The following CHRNA7 variants were observed in gnomAD, a reference collection of about 807,000 sequenced individuals.
CHRNA7 encodes cholinergic receptor nicotinic alpha 7 subunit.
CHRNA7 carries 17 observed loss-of-function variants against 48.0 expected under a neutral mutation model. The observed-to-expected ratio is 0.35, with a 90% confidence interval of 0.24 to 0.53. CHRNA7 has a LOEUF of 0.53. Ranked by LOEUF, CHRNA7 falls within the 20% of genes least tolerant of loss-of-function variation. The probability of loss-of-function intolerance (pLI) is 0.92; values close to 1 mark genes in which losing one functional copy is unlikely to be tolerated. For synonymous variants in CHRNA7, 75 were observed against 242.3 expected (o/e 0.31, Z 6.41); for missense variants, 155 against 577.7 (o/e 0.27, Z 7.50).
In CHRNA7 at chr15:32,111,804, CTATT is replaced by C. The variant is rs1246945142; in HGVS notation, c.258_261del (p.Leu87SerfsTer10). On this transcript the variant is annotated frameshift_variant, in exon 4 of 10. Coordinates refer to ENST00000306901, the MANE Select transcript of CHRNA7 (RefSeq NM_000746.6). LOFTEE classifies it high-confidence loss of function. The stretch of plus-strand genomic sequence containing the variant: ...GTGTGTGTCAGTCTTGGACAGATCA[CTATT>C]TACAGTGGAATGTGTCAGAATATCC... 6 of 1,611,374 alleles carry C rather than the reference CTATT, an allele frequency of 3.7e-6. No individual in the cohort carries two copies. The highest frequency in any genetic ancestry group is 2.2e-5 in the East Asian group (1 of 44,872).
intron 2 of CHRNA7, among the ~76,000 whole-genome samples, chr15:32,076,205 C>G (rs1190855243): frequency 6.6e-6 from 1 of 152,090 alleles, no homozygotes; most frequent in East Asian, 1.9e-4. Context: ...TTAAGTTTGT[C>G]TGTATCCTTG....
intron 3 of CHRNA7, among the ~76,000 whole-genome samples, chr15:32,104,090 A>G (rs958421567): frequency 7.9e-5 from 12 of 152,198 alleles, no homozygotes; most frequent in African/African-American, 2.9e-4. Flanking sequence ...CCTTCTTGGC[A>G]CAGATCCCTC....
chr15:32,148,334 A>G (rs1376137333), intron 4 of CHRNA7, among the ~76,000 whole-genome samples: 6 of 152,056 alleles, frequency 3.9e-5, no homozygotes, highest in East Asian at 1.9e-4. Flanking sequence ...TCTCAAGGTT[A>G]TAAGAGCCGG....
chr15:32,046,829 C>T (rs572093569), intron 2 of CHRNA7, among the ~76,000 whole-genome samples: 9 of 152,006 alleles, frequency 5.9e-5, no homozygotes, highest in African/African-American at 1.7e-4. Context: ...TTTAATCCAT[C>T]TTGAATTAAT....
At chr15:32,159,359 C>T in intron 7 of CHRNA7, 1 of 441,684 alleles carries the variant, frequency 2.3e-6, no homozygotes, top group Admixed American at 3.5e-5. Context: ...AAACTTGTCT[C>T]CATAAGAGAC....
chr15:32,149,296 G>T lies in CHRNA7; in HGVS notation c.351-4611G>T, dbSNP rs574303708. ...CCTACCCCTGTTTCCACGGTTATGG[G>T]TGTTTGCCAGCACAGGGCTGCCCAG... On this transcript the variant is annotated intron_variant, in intron 4 of 9. Coordinates refer to ENST00000306901, the MANE Select transcript of CHRNA7 (RefSeq NM_000746.6). This position sits in a 1 kb window ranked among gnomAD's most constrained non-coding sequence, Gnocchi z 4.6. 6.6e-6 allele frequency among the ~76,000 whole-genome samples: 1 copy of T among 152,232 alleles called. No homozygotes were observed. The highest frequency in any genetic ancestry group is 1.5e-5 in the Non-Finnish European group (1 of 68,048).
chr15:32,095,886 A>G (rs1327413040), intron 2 of CHRNA7, among the ~76,000 whole-genome samples: 2 of 152,222 alleles, frequency 1.3e-5, no homozygotes, highest in African/African-American at 4.8e-5. Context: ...TCAAAACACA[A>G]GTGTTGAAAA....
At chr15:32,039,252 A>G (rs1422513858) in intron 2 of CHRNA7, among the ~76,000 whole-genome samples, 1 of 151,948 alleles carries the variant, frequency 6.6e-6, no homozygotes, top group African/African-American at 2.4e-5. Context: ...TCCTGTTTAC[A>G]ATTTTGTTGA....
chr15:32,079,470 C>T (rs1016734840), intron 2 of CHRNA7, among the ~76,000 whole-genome samples: 2 of 152,160 alleles, frequency 1.3e-5, no homozygotes, highest in Non-Finnish European at 2.9e-5. Flanking sequence ...GACAGGAAAT[C>T]AATATGCAAG....
chr15:32,165,872 A>G (rs1347759285), intron 9 of CHRNA7: 2 of 151,808 alleles, frequency 1.3e-5, no homozygotes, highest in East Asian at 3.9e-4. Flanking sequence ...GGAATTCAAA[A>G]TGGACTTGGC....
intron 3 of CHRNA7, among the ~76,000 whole-genome samples, chr15:32,108,331 A>T (rs1232693374): frequency 6.6e-6 from 1 of 152,162 alleles, no homozygotes. Context: ...GGAGGGAGAG[A>T]AGGAAGAGCA....
chr15:32,050,014 C>A (rs931925995), intron 2 of CHRNA7, among the ~76,000 whole-genome samples: 2 of 152,200 alleles, frequency 1.3e-5, no homozygotes, highest in Non-Finnish European at 2.9e-5. Flanking sequence ...CCGAGAGATC[C>A]GCTGTTAGTC....
Position 32,149,046 on chromosome 15 carries a change from A to G in CHRNA7, c.351-4861A>G, listed in dbSNP as rs1282819040. On this transcript the variant is annotated intron_variant, in intron 4 of 9. Transcript: ENST00000306901. The surrounding 1 kb of genome is among the most constrained non-coding windows in gnomAD (Gnocchi z 4.6). ...TAGGGCTCAGAGCTCTCCTCACACC[A>G]AGAGTGGGCCCCAGTCATTGCTGGC... Among the ~76,000 whole-genome samples, 1 of 152,142 alleles carries G rather than the reference A, an allele frequency of 6.6e-6. No individual in the cohort carries two copies. The highest frequency in any genetic ancestry group is 1.5e-5 in the Non-Finnish European group (1 of 68,012).
intron 2 of CHRNA7, among the ~76,000 whole-genome samples, chr15:32,090,499 C>A (rs2050365789): frequency 6.6e-6 from 1 of 152,194 alleles, no homozygotes; most frequent in African/African-American, 2.4e-5. Flanking sequence ...ACCATTTAAG[C>A]ATTACCACAA....
chr15:32,146,923 T>G, intron 4 of CHRNA7, among the ~76,000 whole-genome samples: 1 of 152,076 alleles, frequency 6.6e-6, no homozygotes, highest in Middle Eastern at 3.2e-3. Context: ...AAGAACCAAG[T>G]TGGGGGACTT....
chr15:32,075,819 A>G (rs894948573), intron 2 of CHRNA7, among the ~76,000 whole-genome samples: 76 of 150,844 alleles, frequency 5.0e-4, no homozygotes, highest in African/African-American at 1.7e-3. Flanking sequence ...CTTTTTTCTC[A>G]TATATGCATT....
At chr15:32,062,527 G>A (rs1441489325) in intron 2 of CHRNA7, among the ~76,000 whole-genome samples, 1 of 152,108 alleles carries the variant, frequency 6.6e-6, no homozygotes, top group Non-Finnish European at 1.5e-5. Flanking sequence ...GTGGATCTGT[G>A]TCTTCCATGT....
chr15:32,116,926 C>T (rs1021698658), intron 4 of CHRNA7, among the ~76,000 whole-genome samples: 1 of 152,072 alleles, frequency 6.6e-6, no homozygotes, highest in Non-Finnish European at 1.5e-5. Flanking sequence ...TTTTCCTGAC[C>T]CTGTGGCTGA....
intron 2 of CHRNA7, among the ~76,000 whole-genome samples, chr15:32,096,934 C>T (rs576148486): frequency 2.6e-5 from 4 of 152,270 alleles, no homozygotes; most frequent in South Asian, 2.1e-4. Context: ...GATTCTGTGG[C>T]GGGCTGGGGA....
Sources: gnomAD v4.1 joint callset for allele counts (sites outside exome capture counted in the v4.1 genomes callset) on GRCh38, gnomAD v4.1.1 for gene constraint, Gnocchi (gnomAD v3.1) non-coding constraint, MANE v1.5 for transcripts, NCBI Gene and HGNC (gene_info 2026-07-23, HGNC 2026-07-21) for gene names.